Variants in IQCJ observed in about 807,000 individuals in gnomAD.
IQCJ encodes the protein IQ domain-containing protein J.
Under a neutral mutation model 11.0 loss-of-function variants are expected in IQCJ, and 9 were observed. The ratio of observed to expected loss-of-function variants is 0.82; its 90% CI spans 0.49 to 1.43. The LOEUF is 1.43. Among genes scored for constraint, IQCJ ranks in the 40% most tolerant of loss-of-function variants. IQCJ has a pLI of 0.00. For missense variants in IQCJ, 146 were observed against 133.2 expected, an observed-to-expected ratio of 1.10 and a Z score of -0.47; for synonymous variants, 55 against 51.3, an observed-to-expected ratio of 1.07 and a Z score of -0.31.
chr3:159,155,365 C>T (rs1721458363), intron 1 of IQCJ, among the ~76,000 whole-genome samples: 2 of 152,122 alleles, frequency 1.3e-5, no homozygotes. Flanking sequence ...ACCATGTTGG[C>T]CAGGCTGGTC....
At chr3:159,222,865 TACCA>T (rs1195279498) in intron 1 of IQCJ, among the ~76,000 whole-genome samples, 10 of 152,018 alleles carry the variant, frequency 6.6e-5, no homozygotes, top group African/African-American at 2.2e-4. Flanking sequence ...TACCTGAGAT[TACCA>T]ACCCAGAATA....
At chr3:159,181,166 T>C (rs1031264959) in intron 1 of IQCJ, among the ~76,000 whole-genome samples, 1 of 151,792 alleles carries the variant, frequency 6.6e-6, no homozygotes, top group Non-Finnish European at 1.5e-5. Context: ...GTGGACATGT[T>C]TCAGTCCACC....
chr3:159,190,493 T>C (rs192055764), intron 1 of IQCJ, among the ~76,000 whole-genome samples: 233 of 152,278 alleles, frequency 1.5e-3, no homozygotes, highest in African/African-American at 5.5e-3. Context: ...GAGAGGCGCA[T>C]GAATCATAAG....
At chr3:159,218,429 G>C (rs1725354090) in intron 1 of IQCJ, among the ~76,000 whole-genome samples, 1 of 151,960 alleles carries the variant, frequency 6.6e-6, no homozygotes. Context: ...AAGATCATAA[G>C]TCAGTCAGTG....
At chr3:159,088,064 A>G (rs1162588809) in intron 1 of IQCJ, among the ~76,000 whole-genome samples, 1 of 152,080 alleles carries the variant, frequency 6.6e-6, no homozygotes, top group Non-Finnish European at 1.5e-5. Context: ...TTAATGCTAT[A>G]AATTTCCCTC....
chr3:159,180,267 G>T (rs1243167464), intron 1 of IQCJ, among the ~76,000 whole-genome samples: 1 of 152,062 alleles, frequency 6.6e-6, no homozygotes, highest in Non-Finnish European at 1.5e-5. Context: ...TGACTCATGG[G>T]TCAAAACTCA....
chr3:159,180,503 T>C (rs1423447104), intron 1 of IQCJ, among the ~76,000 whole-genome samples: 2 of 150,578 alleles, frequency 1.3e-5, no homozygotes, highest in Admixed American at 6.6e-5. Flanking sequence ...TGTTTAAACA[T>C]TGTATATAGA....
At position 159,069,454 on chromosome 3, in the gene IQCJ, C is replaced by T; in HGVS notation, c.9+13C>T. Reference sequence around the variant, plus strand: ...CAAAATGCGTCTGGTAATGTATTTGCTTTTCTAAACGTGCCACTTTGATGT... The same window carrying T: ...CAAAATGCGTCTGGTAATGTATTTGTTTTTCTAAACGTGCCACTTTGATGT... On this transcript the variant is annotated intron_variant, in intron 1 of 3. Coordinates refer to ENST00000397832, the MANE Select transcript of IQCJ (RefSeq NM_001042706.3). 6.2e-7 allele frequency: 1 copy of T among 1,607,928 alleles called. No homozygotes were observed. Among genetic ancestry groups the T allele is most frequent in the South Asian group, 1.1e-5 (1 of 90,050 alleles).
intron 1 of IQCJ, among the ~76,000 whole-genome samples, chr3:159,173,339 T>C (rs1276174827): frequency 2.0e-5 from 3 of 152,218 alleles, no homozygotes; most frequent in African/African-American, 7.2e-5. Flanking sequence ...TCCTTGGAAC[T>C]CAGATGGTTT....
At chr3:159,219,560 G>A in intron 1 of IQCJ, among the ~76,000 whole-genome samples, 1 of 152,098 alleles carries the variant, frequency 6.6e-6, no homozygotes, top group Non-Finnish European at 1.5e-5. Flanking sequence ...AATTTTGTAG[G>A]TATGAATTAG....
chr3:159,101,968 T>C (rs1717957598), intron 1 of IQCJ, among the ~76,000 whole-genome samples: 1 of 152,254 alleles, frequency 6.6e-6, no homozygotes, highest in South Asian at 2.1e-4. Context: ...GCTACTGAGG[T>C]GTTTGACTGC....
intron 1 of IQCJ, among the ~76,000 whole-genome samples, chr3:159,081,833 T>G (rs545733690): frequency 8.0e-4 from 122 of 152,268 alleles, no homozygotes; most frequent in African/African-American, 2.8e-3. Context: ...AAAAAGAGTA[T>G]TGTCTTATTG....
chr3:159,263,842 C>G (rs1021970827), downstream of IQCJ: 20 of 980,256 alleles, frequency 2.0e-5, no homozygotes, highest in Admixed American at 1.2e-3. Context: ...TAATTGACAG[C>G]AGAAATTGAA....
intron 1 of IQCJ, among the ~76,000 whole-genome samples, chr3:159,153,892 C>T (rs112410073): frequency 5.1e-4 from 78 of 152,258 alleles, no homozygotes; most frequent in African/African-American, 1.8e-3. Flanking sequence ...TTGGCTATGG[C>T]GTCAGTTCCC....
chr3:159,147,060 T>C (rs1267959745), intron 1 of IQCJ, among the ~76,000 whole-genome samples: 1 of 152,260 alleles, frequency 6.6e-6, no homozygotes, highest in Admixed American at 6.5e-5. Context: ...GATTTAGCCT[T>C]GAGAACATTC....
intron 1 of IQCJ, among the ~76,000 whole-genome samples, chr3:159,106,519 G>A (rs1718274162): frequency 6.6e-6 from 1 of 152,030 alleles, no homozygotes; most frequent in Admixed American, 6.6e-5. Flanking sequence ...GGAGGGTGGA[G>A]TGGGGTGGGG....
At chr3:159,112,232 A>G (rs1472604586) in intron 1 of IQCJ, among the ~76,000 whole-genome samples, 1 of 152,112 alleles carries the variant, frequency 6.6e-6, no homozygotes, top group African/African-American at 2.4e-5. Context: ...AGCTCCTTCC[A>G]TCTCTAAAAT....
intron 1 of IQCJ, among the ~76,000 whole-genome samples, chr3:159,155,796 AAAG>A (rs764780618): frequency 4.6e-5 from 7 of 152,228 alleles, no homozygotes; most frequent in Non-Finnish European, 8.8e-5. Flanking sequence ...TTCTAGAAAA[AAAG>A]GTAATATTTT....
At chr3:159,195,851 C>T (rs1263591909) in intron 1 of IQCJ, among the ~76,000 whole-genome samples, 1 of 152,162 alleles carries the variant, frequency 6.6e-6, no homozygotes, top group Non-Finnish European at 1.5e-5. Context: ...AGACAAGACA[C>T]CAATAATATC....
Sources: gnomAD v4.1 joint callset for allele counts (sites outside exome capture counted in the v4.1 genomes callset) on GRCh38, gnomAD v4.1.1 for gene constraint, MANE v1.5 for transcripts, NCBI Gene and HGNC (gene_info 2026-07-23, HGNC 2026-07-21) for gene names.